UBE2K: variants seen among roughly 807,000 people sequenced by gnomAD.
UBE2K encodes ubiquitin conjugating enzyme E2 K.
UBE2K carries 6 observed loss-of-function variants against 30.0 expected under a neutral mutation model. That is an observed-to-expected ratio of 0.20 (90% confidence interval 0.11 to 0.39). The LOEUF (loss-of-function observed/expected upper bound fraction) is 0.39. UBE2K is among the 10% of genes least tolerant of loss of function. UBE2K has a pLI of 1.00. For synonymous variants in UBE2K, 86 were observed against 83.7 expected, an observed-to-expected ratio of 1.03 and a Z score of -0.15; for missense variants, 61 against 241.6, an observed-to-expected ratio of 0.25 and a Z score of 4.96.
intron 1 of UBE2K, among the ~76,000 whole-genome samples, chr4:39,703,353 A>T (rs1435278063): frequency 6.6e-6 from 1 of 152,002 alleles, no homozygotes; most frequent in African/African-American, 2.4e-5. Flanking sequence ...TACTACTAAC[A>T]TTTAAAAAAA....
In UBE2K at chr4:39,761,732, T is replaced by C. The variant is rs1003433025; in HGVS notation, c.299+5993T>C. On this transcript the variant is annotated intron_variant, in intron 4 of 6. Coordinates refer to ENST00000261427, the MANE Select transcript of UBE2K (RefSeq NM_005339.5). ...ATAGATTTGATCACTACTTTGTAAA[T>C]AGAAGAAGAAATGGAACAAAAGCAT... Among the ~76,000 whole-genome samples the C allele has an allele frequency of 4.6e-5, 7 of 152,182 alleles. No homozygotes were observed. The South Asian group carries it at 1.0e-3, about 22-fold the overall frequency.
chr4:39,767,160 T>A (rs1458856248), intron 4 of UBE2K, among the ~76,000 whole-genome samples: 1 of 152,252 alleles, frequency 6.6e-6, no homozygotes, highest in Admixed American at 6.5e-5. Context: ...TTCAGTGTCA[T>A]GAAGTTTTCT....
intron 1 of UBE2K, among the ~76,000 whole-genome samples, chr4:39,702,843 T>A (rs1412840353): frequency 2.0e-5 from 3 of 152,056 alleles, no homozygotes; most frequent in Non-Finnish European, 4.4e-5. Context: ...GTGGCTCTCC[T>A]GTGCATTGTG....
chr4:39,738,463 A>T (rs990354367), intron 2 of UBE2K, among the ~76,000 whole-genome samples: 1 of 152,156 alleles, frequency 6.6e-6, no homozygotes, highest in Non-Finnish European at 1.5e-5. Context: ...TTGACTTAAT[A>T]TTGGAAGTGG....
chr4:39,739,754 T>G (rs373650657), intron 2 of UBE2K, among the ~76,000 whole-genome samples: 1 of 152,124 alleles, frequency 6.6e-6, no homozygotes, highest in East Asian at 1.9e-4. Context: ...CCAGCCCATT[T>G]TTTTCTTTCT....
At chr4:39,734,691 C>T (rs942367084) in intron 1 of UBE2K, among the ~76,000 whole-genome samples, 2 of 152,040 alleles carry the variant, frequency 1.3e-5, no homozygotes, top group Non-Finnish European at 2.9e-5. Flanking sequence ...GCACACCTCT[C>T]GTCCCAGCGA....
chr4:39,701,952 C>T (rs1047063183), intron 1 of UBE2K, among the ~76,000 whole-genome samples: 14 of 151,328 alleles, frequency 9.3e-5, no homozygotes, highest in Non-Finnish European at 1.8e-4. Flanking sequence ...GTAGAGACGA[C>T]GTTTCACCAT....
At chr4:39,731,179 C>T (rs1720054255) in intron 1 of UBE2K, among the ~76,000 whole-genome samples, 1 of 152,046 alleles carries the variant, frequency 6.6e-6, no homozygotes, top group South Asian at 2.1e-4. Flanking sequence ...AGGCATGAGC[C>T]ACGGCGCCCG....
At chr4:39,712,031 A>G (rs527488800) in intron 1 of UBE2K, among the ~76,000 whole-genome samples, 2 of 149,510 alleles carry the variant, frequency 1.3e-5, no homozygotes, top group African/African-American at 4.9e-5. Context: ...AGAGAGGGAG[A>G]CTCTGTCTCA....
At chr4:39,740,679 G>T (rs916788665) in intron 2 of UBE2K, among the ~76,000 whole-genome samples, 2 of 150,286 alleles carry the variant, frequency 1.3e-5, no homozygotes, top group Non-Finnish European at 3.0e-5. Context: ...TGGCTAACAC[G>T]ATGAAACCCC....
intron 2 of UBE2K, among the ~76,000 whole-genome samples, chr4:39,743,260 C>G (rs1411340162): frequency 6.6e-6 from 1 of 152,060 alleles, no homozygotes; most frequent in Admixed American, 6.6e-5. Flanking sequence ...ATGTTCCTAG[C>G]ACACAGTTTT....
rs59324666 is a variant in UBE2K, at chr4:39,760,731, A to G, written c.299+4992A>G. ...GCTAACACGGTGAAACCCCGTCTCT[A>G]CTAAAAATACAAAAAATTAGCTACA... is the stretch of plus-strand genomic sequence containing the variant. On this transcript the variant is annotated intron_variant, in intron 4 of 6. Transcript: ENST00000261427. 4.0e-3 allele frequency among the ~76,000 whole-genome samples: 613 copies of G among 152,346 alleles called. 4 individuals carry two copies. Among genetic ancestry groups the G allele is most frequent in the African/African-American group, 0.014 (577 of 41,568 alleles).
At chr4:39,757,182 T>C (rs1157573634) in intron 4 of UBE2K, among the ~76,000 whole-genome samples, 3 of 152,022 alleles carry the variant, frequency 2.0e-5, no homozygotes, top group East Asian at 1.9e-4. Context: ...TGCGCCATCA[T>C]GCCCAGCTAA....
chr4:39,710,303 C>G (rs1320167076), intron 1 of UBE2K: 3 of 151,890 alleles, frequency 2.0e-5, no homozygotes, highest in East Asian at 1.9e-4. Context: ...AGGTCTTGCT[C>G]TGTTGCCCAG....
intron 1 of UBE2K, among the ~76,000 whole-genome samples, chr4:39,725,326 C>T (rs1719684773): frequency 7.6e-6 from 1 of 131,268 alleles, no homozygotes; most frequent in South Asian, 2.5e-4. Flanking sequence ...TGCAGTGAGC[C>T]ATGATCATGC....
chr4:39,744,069 G>A (rs1179070693), intron 2 of UBE2K, among the ~76,000 whole-genome samples: 2 of 152,158 alleles, frequency 1.3e-5, no homozygotes, highest in African/African-American at 4.8e-5. Context: ...CGCCATGTTT[G>A]CCAGGCTAGT....
chr4:39,705,522 G>A (rs371140775), intron 1 of UBE2K, among the ~76,000 whole-genome samples: 1 of 151,792 alleles, frequency 6.6e-6, no homozygotes, highest in South Asian at 2.1e-4. Flanking sequence ...CTTATTTCCC[G>A]TGAATACATT....
chr4:39,721,367 TA>T (rs1453425582), intron 1 of UBE2K, among the ~76,000 whole-genome samples: 2 of 152,042 alleles, frequency 1.3e-5, no homozygotes, highest in Non-Finnish European at 1.5e-5. Context: ...GAAGAGAAGT[TA>T]TAAGTATTTG....
At chr4:39,767,724 T>C (rs1483679215) in intron 4 of UBE2K, among the ~76,000 whole-genome samples, 1 of 152,214 alleles carries the variant, frequency 6.6e-6, no homozygotes, top group Non-Finnish European at 1.5e-5. Flanking sequence ...TAGATGCTTT[T>C]ATTTTACATG....
Sources: gnomAD v4.1 joint callset for allele counts (sites outside exome capture counted in the v4.1 genomes callset) on GRCh38, gnomAD v4.1.1 for gene constraint, MANE v1.5 for transcripts, NCBI Gene and HGNC (gene_info 2026-07-23, HGNC 2026-07-21) for gene names.